Variants in EXOC4 observed in about 807,000 individuals in gnomAD.
EXOC4 encodes the protein exocyst complex component 4.
Under a neutral mutation model 107.2 loss-of-function variants are expected in EXOC4, and 71 were observed. The observed-to-expected ratio is 0.66, with a 90% CI of 0.55 to 0.81. The LOEUF (loss-of-function observed/expected upper bound fraction) is 0.81. Among genes scored for constraint, EXOC4 ranks in the 30% least tolerant of loss-of-function variants. The probability of loss-of-function intolerance (pLI) is 0.00; values close to 1 mark genes in which losing one functional copy is unlikely to be tolerated. For synonymous variants in EXOC4, 456 were observed against 441.2 expected (o/e 1.03, Z -0.42); for missense variants, 1,108 against 1,189.6 (o/e 0.93, Z 1.01).
chr7:133,399,449 T>C (rs1797041627), intron 7 of EXOC4, among the ~76,000 whole-genome samples: 1 of 152,212 alleles, frequency 6.6e-6, no homozygotes, highest in Admixed American at 6.5e-5. Context: ...TCGATTTGAG[T>C]GCGCGATTCT....
At chr7:133,790,634 C>G (rs1796682930) in intron 10 of EXOC4, among the ~76,000 whole-genome samples, 1 of 152,244 alleles carries the variant, frequency 6.6e-6, no homozygotes, top group South Asian at 2.1e-4. Context: ...TAATTCATTT[C>G]CTGTTACTAG....
At position 133,363,951 on chromosome 7, in the gene EXOC4, T is replaced by C. The variant is rs369301201; in HGVS notation, c.1007+7378T>C. Among the ~76,000 whole-genome samples, 7 of 152,254 alleles carry C rather than the reference T, an allele frequency of 4.6e-5. No individual in the cohort carries two copies. The East Asian group carries it at 1.2e-3, about 25-fold the overall frequency. On this transcript the variant is annotated intron_variant, in intron 6 of 17. Coordinates refer to ENST00000253861, the MANE Select transcript of EXOC4 (RefSeq NM_021807.4). ...TTGATGATGTGTAGGGGTGGTGTCA[T>C]ATATGATTAAAGCACCTTCATGTGT...
At chr7:133,537,170 A>C (rs1364556342) in intron 9 of EXOC4, among the ~76,000 whole-genome samples, 1 of 150,860 alleles carries the variant, frequency 6.6e-6, no homozygotes, top group Non-Finnish European at 1.5e-5. Context: ...TTTTTCTTTG[A>C]GATGGAGTCT....
intron 14 of EXOC4, among the ~76,000 whole-genome samples, chr7:133,948,866 T>G (rs1800619551): frequency 6.6e-6 from 1 of 152,134 alleles, no homozygotes; most frequent in African/African-American, 2.4e-5. Context: ...CCAGAGTGTC[T>G]GGAAAAACAA....
intron 1 of EXOC4, among the ~76,000 whole-genome samples, chr7:133,266,682 C>G (rs1316234951): frequency 6.6e-6 from 1 of 152,140 alleles, no homozygotes; most frequent in Admixed American, 6.5e-5. Flanking sequence ...TCAGATCTTT[C>G]AAAATCTCTA....
intron 11 of EXOC4, among the ~76,000 whole-genome samples, chr7:133,827,257 A>G (rs1183534776): frequency 6.6e-6 from 1 of 152,178 alleles, no homozygotes; most frequent in South Asian, 2.1e-4. Flanking sequence ...GAGTTGAGCC[A>G]CTGAGAGATG....
chr7:133,456,034 A>G (rs1300346292), intron 7 of EXOC4, among the ~76,000 whole-genome samples: 2 of 152,220 alleles, frequency 1.3e-5, no homozygotes, highest in African/African-American at 2.4e-5. Flanking sequence ...TTTGGTTGAT[A>G]TGCTTCATTC....
intron 9 of EXOC4, among the ~76,000 whole-genome samples, chr7:133,516,407 A>G (rs972943872): frequency 6.6e-6 from 1 of 152,154 alleles, no homozygotes; most frequent in African/African-American, 2.4e-5. Context: ...TGTCTCTAAA[A>G]AATTGTCTTT....
intron 9 of EXOC4, among the ~76,000 whole-genome samples, chr7:133,616,311 A>G (rs903036605): frequency 2.0e-5 from 3 of 152,068 alleles, no homozygotes; most frequent in African/African-American, 7.2e-5. Context: ...TGTGAACTTC[A>G]TGAGGTCATG....
intron 10 of EXOC4, among the ~76,000 whole-genome samples, chr7:133,815,601 A>G (rs1011309615): frequency 3.3e-5 from 5 of 152,170 alleles, no homozygotes; most frequent in East Asian, 1.9e-4. Context: ...TGGGTGAACT[A>G]TCATACTTCT....
At chr7:133,695,280 A>G (rs1283465592) in intron 10 of EXOC4, among the ~76,000 whole-genome samples, 4 of 151,822 alleles carry the variant, frequency 2.6e-5, no homozygotes, top group Non-Finnish European at 4.4e-5. Context: ...AGTTCTATCT[A>G]TGTTGTTGCA....
chr7:133,590,831 C>T (rs1159232890), intron 9 of EXOC4, among the ~76,000 whole-genome samples: 3 of 152,178 alleles, frequency 2.0e-5, no homozygotes, highest in African/African-American at 7.2e-5. Flanking sequence ...CCAAACGAGA[C>T]CTTGGGATAC....
chr7:133,720,444 C>A (rs1335136954), intron 10 of EXOC4, among the ~76,000 whole-genome samples: 1 of 152,150 alleles, frequency 6.6e-6, no homozygotes. Flanking sequence ...AAGGAAATAA[C>A]CTCTTTACCC....
intron 9 of EXOC4, among the ~76,000 whole-genome samples, chr7:133,599,621 C>T (rs150840343): frequency 2.5e-4 from 38 of 152,264 alleles, no homozygotes; most frequent in African/African-American, 6.7e-4. Flanking sequence ...ATTTCCATAG[C>T]TAGATGGACC....
intron 10 of EXOC4, among the ~76,000 whole-genome samples, chr7:133,737,635 T>C (rs2151124578): frequency 6.6e-6 from 1 of 152,278 alleles, no homozygotes; most frequent in South Asian, 2.1e-4. Flanking sequence ...TTGTGGCTGA[T>C]TGTGATGTAT....
intron 10 of EXOC4, among the ~76,000 whole-genome samples, chr7:133,755,319 A>G (rs1476838560): frequency 8.7e-5 from 9 of 103,382 alleles, no homozygotes; most frequent in Non-Finnish European, 1.4e-4. Flanking sequence ...TATATTATAT[A>G]TATATAATAT....
At position 133,604,710 on chromosome 7, in the gene EXOC4, C is replaced by CTTTTTT. The variant is rs61548710; in HGVS notation, c.1418-25309_1418-25304dup. 5.4e-3 allele frequency among the ~76,000 whole-genome samples: 269 copies of CTTTTTT among 50,274 alleles called. 8 individuals are homozygous for CTTTTTT. The highest frequency in any genetic ancestry group is 5.9e-3 in the Non-Finnish European group (170 of 28,984). 33.0% of individuals were successfully genotyped at this position (50,274 alleles called of 152,430 possible). ...TCTTTCCTTCCTTCCTTCCTTCTTTCTTTTTTTTTTTTTTTTTTTTTTTTT... is the reference window on the plus strand; with the variant it reads ...TCTTTCCTTCCTTCCTTCCTTCTTTCTTTTTTTTTTTTTTTTTTTTTTTTTTTTTTT... On this transcript the variant is annotated intron_variant, in intron 9 of 17. Coordinates refer to ENST00000253861, the MANE Select transcript of EXOC4 (RefSeq NM_021807.4).
chr7:133,842,377 G>T (rs976030637), intron 11 of EXOC4, among the ~76,000 whole-genome samples: 2 of 152,232 alleles, frequency 1.3e-5, no homozygotes, highest in Admixed American at 1.3e-4. Context: ...CTGTGATTTT[G>T]ATTTGCTTTT....
At position 134,064,353 on chromosome 7, in the gene EXOC4, G is replaced by A. The variant is rs1563110273; in HGVS notation, c.2750G>A (p.Gly917Asp). Reference protein sequence around the residue: ...DELLNLVVDQGVKYTELEYIH... With the variant: ...DELLNLVVDQDVKYTELEYIH... ...CTCCTGAACCTGGTGGTGGACCAGG[G>A]TGTGAAGTACACGGAGCTGGAGTAC... The change falls in exon 18 of 18, where the codon GGT becomes GAT. Residue 917 changes from glycine to aspartate, a missense_variant. Gly to Asp is a moderately conservative substitution (Grantham distance 94). Transcript: ENST00000253861. 3 of 1,537,508 alleles carry A rather than the reference G, an allele frequency of 2.0e-6. No individual in the cohort carries two copies. The highest frequency in any genetic ancestry group is 2.4e-5 in the East Asian group (1 of 41,668).
Sources: allele counts gnomAD v4.1 joint callset (sites outside exome capture counted in the v4.1 genomes callset), GRCh38; gene constraint gnomAD v4.1.1; transcripts MANE v1.5; gene names NCBI Gene and HGNC (gene_info 2026-07-23, HGNC 2026-07-21).